The following FSTL4 variants were observed in gnomAD, a reference collection of about 807,000 sequenced individuals.
FSTL4 encodes the protein follistatin-related protein 4.
Under a neutral mutation model 78.2 loss-of-function variants are expected in FSTL4, and 28 were observed. The ratio of observed to expected loss-of-function variants is 0.36; its 90% confidence interval spans 0.27 to 0.49. FSTL4 has a LOEUF of 0.49. Among genes scored for constraint, FSTL4 ranks in the 20% least tolerant of loss-of-function variants. The probability of loss-of-function intolerance (pLI) is 0.98; values close to 1 mark genes in which losing one functional copy is unlikely to be tolerated. For synonymous variants in FSTL4, 422 were observed against 440.5 expected, an observed-to-expected ratio of 0.96 and a Z score of 0.53; for missense variants, 922 against 1,084.9, an observed-to-expected ratio of 0.85 and a Z score of 2.11.
chr5:133,484,004 T>TCCA (rs1758081180), intron 3 of FSTL4, among the ~76,000 whole-genome samples: 1 of 152,184 alleles, frequency 6.6e-6, no homozygotes. Context: ...ACCTCAAATC[T>TCCA]CCAGCTCTCC....
chr5:133,469,061 T>G (rs954982738), intron 3 of FSTL4, among the ~76,000 whole-genome samples: 1 of 152,190 alleles, frequency 6.6e-6, no homozygotes, highest in African/African-American at 2.4e-5. Context: ...CAGAAGTCAG[T>G]GCATCTCAAG....
intron 3 of FSTL4, among the ~76,000 whole-genome samples, chr5:133,451,665 TGGGCTAAGCCA>T (rs1757386583): frequency 6.6e-6 from 1 of 152,182 alleles, no homozygotes; most frequent in Admixed American, 6.5e-5. Flanking sequence ...TGTCTGTACT[TGGGCTAAGCCA>T]GGGTCCGTGG....
At chr5:133,625,788 T>TATATATTCC in the FSTL4 span, among the ~76,000 whole-genome samples, 2 of 826 alleles carry the variant, frequency 2.4e-3, 1 homozygote, top group African/African-American at 0.029. Flanking sequence ...ATATATTCCA[T>TATATATTCC]ATATATATAT....
chr5:133,511,517 G>A (rs1758730418), intron 3 of FSTL4, among the ~76,000 whole-genome samples: 1 of 152,118 alleles, frequency 6.6e-6, no homozygotes, highest in Non-Finnish European at 1.5e-5. Flanking sequence ...CTGTGACCAC[G>A]TCTAACTGGA....
chr5:133,823,824 GC>G, the FSTL4 span, among the ~76,000 whole-genome samples: 1 of 152,184 alleles, frequency 6.6e-6, no homozygotes, highest in Non-Finnish European at 1.5e-5. Context: ...AAGCCAGCCT[GC>G]CCCTGGGGAG....
At chr5:133,242,742 C>G (rs1483958034) in intron 7 of FSTL4, among the ~76,000 whole-genome samples, 2 of 152,198 alleles carry the variant, frequency 1.3e-5, no homozygotes, top group Non-Finnish European at 2.9e-5. Context: ...ACTGGATGTT[C>G]AGATGTTTTT....
chr5:133,254,626 G>A (rs73279904), intron 6 of FSTL4, among the ~76,000 whole-genome samples: 3,329 of 152,306 alleles, frequency 0.022, 110 homozygotes, highest in African/African-American at 0.075. Context: ...CCTGGGCATC[G>A]TGCGTGATCA....
intron 4 of FSTL4, among the ~76,000 whole-genome samples, chr5:133,364,033 G>A (rs938685448): frequency 2.0e-5 from 3 of 152,206 alleles, no homozygotes; most frequent in Non-Finnish European, 4.4e-5. Flanking sequence ...CCCTGAATGT[G>A]CTGCTGGGGA....
chr5:133,600,660 T>C (rs1332674388), intron 2 of FSTL4, among the ~76,000 whole-genome samples: 2 of 152,226 alleles, frequency 1.3e-5, no homozygotes, highest in African/African-American at 2.4e-5. Flanking sequence ...CTTGCTATAA[T>C]TGCTTTAAAA....
At chr5:133,758,718 A>G in the FSTL4 span, among the ~76,000 whole-genome samples, 1 of 152,272 alleles carries the variant, frequency 6.6e-6, no homozygotes, top group Non-Finnish European at 1.5e-5. Context: ...TGTTTGAAAT[A>G]ATAAACATGT....
intron 3 of FSTL4, among the ~76,000 whole-genome samples, chr5:133,463,938 C>T (rs1757648721): frequency 6.6e-6 from 1 of 152,208 alleles, no homozygotes; most frequent in South Asian, 2.1e-4. Context: ...AAATTTGGTG[C>T]AGAGCAGTTC....
the FSTL4 span, among the ~76,000 whole-genome samples, chr5:133,623,458 G>A: frequency 6.6e-6 from 1 of 152,026 alleles, no homozygotes; most frequent in Non-Finnish European, 1.5e-5. Flanking sequence ...GCAAAAGAAT[G>A]TGTTTAGACC....
At chr5:133,674,299 G>C in the FSTL4 span, among the ~76,000 whole-genome samples, 2 of 152,044 alleles carry the variant, frequency 1.3e-5, no homozygotes, top group Admixed American at 1.3e-4. Context: ...CCCCCTCTGC[G>C]AGATATTTGT....
intron 6 of FSTL4, among the ~76,000 whole-genome samples, chr5:133,273,709 C>A (rs1056177947): frequency 6.6e-6 from 1 of 152,190 alleles, no homozygotes; most frequent in South Asian, 2.1e-4. Flanking sequence ...CTTGTGACCA[C>A]GTATCTGTGT....
intron 3 of FSTL4, among the ~76,000 whole-genome samples, chr5:133,465,979 T>C (rs561383265): frequency 1.4e-4 from 21 of 152,284 alleles, no homozygotes; most frequent in Admixed American, 9.8e-4. Context: ...GAGATTAAGT[T>C]AGGATTTGTA....
the FSTL4 span, among the ~76,000 whole-genome samples, chr5:133,823,683 T>C: frequency 6.6e-6 from 1 of 152,148 alleles, no homozygotes; most frequent in East Asian, 1.9e-4. Context: ...CTGGGACACA[T>C]GGACCAGTCC....
chr5:133,454,838 ATTTCT>A (rs1184112716), intron 3 of FSTL4, among the ~76,000 whole-genome samples: 191 of 152,214 alleles, frequency 1.3e-3, no homozygotes, highest in African/African-American at 4.5e-3. Context: ...CAGGCCTGCA[ATTTCT>A]GAGACCCCAA....
rs1756491488 is a variant in FSTL4 at position 133,412,279 on chromosome 5, A to G, written c.161-11293T>C. ...CCAGAAAGCTGCTGTGATAAAATCA[A>G]TATGAGATCAACCTAGGAAAAGGCA... is the stretch of plus-strand genomic sequence containing the variant. On this transcript the variant is annotated intron_variant, in intron 3 of 15. Coordinates refer to ENST00000265342, the MANE Select transcript of FSTL4 (RefSeq NM_015082.2). 2.6e-5 allele frequency among the ~76,000 whole-genome samples: 4 copies of G among 152,168 alleles called. 1 individual carries two copies.
In FSTL4 at chr5:133,236,290, G is replaced by T. The variant is rs1751658437; in HGVS notation, c.895-2753C>A. On this transcript the variant is annotated intron_variant, in intron 7 of 15. Transcript: ENST00000265342. This position sits in a 1 kb window ranked among gnomAD's most constrained non-coding sequence, Gnocchi z 5.0. ...GTTGAGATGGGCCCTGGGCTCTGAG[G>T]GCTGTCCCAAGGCCACTGTTCCCAG... is the stretch of plus-strand genomic sequence containing the variant. 6.6e-6 allele frequency among the ~76,000 whole-genome samples: 1 copy of T among 151,920 alleles called. No homozygotes were observed. The highest frequency in any genetic ancestry group is 1.5e-5 in the Non-Finnish European group (1 of 67,890).
Sources: allele counts gnomAD v4.1 joint callset (sites outside exome capture counted in the v4.1 genomes callset), GRCh38; gene constraint gnomAD v4.1.1; non-coding constraint Gnocchi (gnomAD v3.1); transcripts MANE v1.5; gene names NCBI Gene and HGNC (gene_info 2026-07-23, HGNC 2026-07-21).